The following ANKS1B variants were observed in gnomAD, a reference collection of about 807,000 sequenced individuals.
ANKS1B encodes the protein ankyrin repeat and sterile alpha motif domain containing 1B.
Under a neutral mutation model 148.3 loss-of-function variants are expected in ANKS1B, and 36 were observed. The observed-to-expected ratio is 0.24, with a 90% CI of 0.19 to 0.32. The LOEUF (loss-of-function observed/expected upper bound fraction) is 0.32, where lower values mean the gene tolerates loss of function less well. ANKS1B is among the 10% of genes least tolerant of loss of function. The probability of loss-of-function intolerance (pLI) is 1.00; values close to 1 mark genes in which losing one functional copy is unlikely to be tolerated. For missense variants in ANKS1B, 1,157 were observed against 1,542.6 expected (o/e 0.75, Z 4.19); for synonymous variants, 542 against 560.8 (o/e 0.97, Z 0.47).
At chr12:99,602,586 T>A (rs568275255) in intron 9 of ANKS1B, among the ~76,000 whole-genome samples, 1 of 152,140 alleles carries the variant, frequency 6.6e-6, no homozygotes, top group South Asian at 2.1e-4. Context: ...TTGCTTTTAG[T>A]TTTCAAGTGA....
chr12:99,255,643 T>C (rs1198679995), intron 12 of ANKS1B, among the ~76,000 whole-genome samples: 1 of 152,180 alleles, frequency 6.6e-6, no homozygotes, highest in Non-Finnish European at 1.5e-5. Flanking sequence ...ATTCATCACA[T>C]TTGATATTTA....
At chr12:98,944,829 G>A (rs1426071594) in intron 17 of ANKS1B, among the ~76,000 whole-genome samples, 1 of 152,194 alleles carries the variant, frequency 6.6e-6, no homozygotes, top group African/African-American at 2.4e-5. Context: ...GAATCTAACT[G>A]CTCATGAGTT....
chr12:99,663,101 T>C (rs2098485733), intron 8 of ANKS1B, among the ~76,000 whole-genome samples: 1 of 152,168 alleles, frequency 6.6e-6, no homozygotes, highest in African/African-American at 2.4e-5. Flanking sequence ...TACAATCTTT[T>C]AAAACCGGGG....
At chr12:98,843,770 A>C (rs984431714) in intron 17 of ANKS1B, among the ~76,000 whole-genome samples, 2 of 152,222 alleles carry the variant, frequency 1.3e-5, no homozygotes, top group Admixed American at 6.5e-5. Context: ...TGGCAGCAGC[A>C]TGGGGAGACA....
At chr12:99,371,008 T>G (rs1348734900) in intron 12 of ANKS1B, among the ~76,000 whole-genome samples, 1 of 152,056 alleles carries the variant, frequency 6.6e-6, no homozygotes, top group Non-Finnish European at 1.5e-5. Context: ...TTTTTGTTTG[T>G]TTTTGTTTCT....
At chr12:99,893,814 T>C (rs1383198271) in intron 1 of ANKS1B, among the ~76,000 whole-genome samples, 3 of 152,196 alleles carry the variant, frequency 2.0e-5, no homozygotes, top group African/African-American at 7.2e-5. Context: ...TCAAAGGATA[T>C]TATTTTGTCC....
At chr12:98,743,579 G>A (rs562518271), downstream of ANKS1B, among the ~76,000 whole-genome samples, 2 of 152,078 alleles carry the variant, frequency 1.3e-5, no homozygotes, top group Non-Finnish European at 2.9e-5. Flanking sequence ...TCCCGTCCCT[G>A]CTCTGGTCTA....
intron 9 of ANKS1B, among the ~76,000 whole-genome samples, chr12:99,513,548 T>A (rs767195678): frequency 1.3e-4 from 20 of 152,096 alleles, no homozygotes. Context: ...AAACATTTTG[T>A]TAAGTTTTCC....
chr12:99,061,099 A>G (rs1232668313), intron 16 of ANKS1B, among the ~76,000 whole-genome samples: 10 of 152,208 alleles, frequency 6.6e-5, no homozygotes, highest in Admixed American at 4.6e-4. Flanking sequence ...CTTCTTCCAC[A>G]TAATGGGGTT....
At chr12:99,528,047 A>G (rs2096944711) in intron 9 of ANKS1B, among the ~76,000 whole-genome samples, 1 of 152,100 alleles carries the variant, frequency 6.6e-6, no homozygotes, top group Non-Finnish European at 1.5e-5. Context: ...AGAACAGAGT[A>G]GAGAGCTCAG....
chr12:99,753,183 T>G lies in ANKS1B; in HGVS notation c.1128+19739A>C, dbSNP rs142377113. Among the ~76,000 whole-genome samples the G allele has an allele frequency of 1.8e-4, 27 of 152,250 alleles. No homozygotes were observed. The East Asian group carries it at 4.4e-3, about 25-fold the overall frequency. ...TCTGTTCAAAGAAAAAGAAAAAGTCTGAGCTGGAGTAAGTAAGGAGGTTTC... is the reference window on the plus strand; with the variant it reads ...TCTGTTCAAAGAAAAAGAAAAAGTCGGAGCTGGAGTAAGTAAGGAGGTTTC... On this transcript the variant is annotated intron_variant, in intron 8 of 26. Transcript: ENST00000683438.
At chr12:99,684,489 A>G (rs2098638600) in intron 8 of ANKS1B, among the ~76,000 whole-genome samples, 1 of 152,100 alleles carries the variant, frequency 6.6e-6, no homozygotes, top group Admixed American at 6.5e-5. Flanking sequence ...GACACAAACA[A>G]CTGGAAATAC....
In ANKS1B at chr12:99,124,418, ATG is replaced by A. The variant is rs71081900; in HGVS notation, c.2526+29869_2526+29870del. On this transcript the variant is annotated intron_variant, in intron 15 of 26. Coordinates refer to ENST00000683438, the MANE Select transcript of ANKS1B (RefSeq NM_001352186.2). ...AGCATGCACAAACTTATTTGTGTGCATGTGTGTGTGTGTGTGTATGTGTGTAA... is the reference window on the plus strand; with the variant it reads ...AGCATGCACAAACTTATTTGTGTGCATGTGTGTGTGTGTGTATGTGTGTAA... 8.0e-5 allele frequency among the ~76,000 whole-genome samples: 12 copies of A among 149,956 alleles called. No homozygotes were observed. In the East Asian group the frequency reaches 2.0e-3, roughly 25 times the overall value.
chr12:99,386,442 G>A (rs2152530194), intron 12 of ANKS1B: 1 of 152,084 alleles, frequency 6.6e-6, no homozygotes. Context: ...AATGGCTCCT[G>A]TAGAAAGTAA....
intron 12 of ANKS1B, among the ~76,000 whole-genome samples, chr12:99,261,480 G>T (rs1315376741): frequency 6.6e-6 from 1 of 152,006 alleles, no homozygotes; most frequent in African/African-American, 2.4e-5. Flanking sequence ...TGGCCCCAGG[G>T]TTTAACATAT....
At chr12:99,616,209 T>C (rs913280972) in intron 9 of ANKS1B, among the ~76,000 whole-genome samples, 2 of 152,178 alleles carry the variant, frequency 1.3e-5, no homozygotes, top group East Asian at 1.9e-4. Context: ...AAAATAGCCA[T>C]ACTGCCCAAA....
intron 15 of ANKS1B, among the ~76,000 whole-genome samples, chr12:99,098,772 C>A (rs1313310195): frequency 6.6e-6 from 1 of 150,492 alleles, no homozygotes; most frequent in Non-Finnish European, 1.5e-5. Context: ...CCCCCCCCAC[C>A]CCCAGCTCTG....
chr12:99,585,627 C>G (rs569291754), intron 9 of ANKS1B, among the ~76,000 whole-genome samples: 190 of 152,324 alleles, frequency 1.2e-3, no homozygotes, highest in Non-Finnish European at 2.1e-3. Context: ...AGCCTTGTGC[C>G]TGCAGCAAAC....
chr12:99,556,391 A>T (rs967244223), intron 9 of ANKS1B, among the ~76,000 whole-genome samples: 3 of 151,652 alleles, frequency 2.0e-5, no homozygotes, highest in African/African-American at 7.3e-5. Flanking sequence ...AAACTCCTGG[A>T]TTCAGTGATT....
Sources: gnomAD v4.1 joint callset for allele counts (sites outside exome capture counted in the v4.1 genomes callset) on GRCh38, gnomAD v4.1.1 for gene constraint, MANE v1.5 for transcripts, NCBI Gene and HGNC (gene_info 2026-07-23, HGNC 2026-07-21) for gene names.